Variants in BMF observed in about 807,000 individuals in gnomAD.
The protein encoded by BMF is bcl-2-modifying factor.
Under a neutral mutation model 22.0 loss-of-function variants are expected in BMF, and 10 were observed. That is an observed-to-expected ratio of 0.45 (90% CI 0.28 to 0.77). The LOEUF is 0.77. Ranked by LOEUF, BMF falls within the 30% of genes least tolerant of loss-of-function variation. The pLI is 0.13. For missense variants in BMF, 206 were observed against 226.8 expected (o/e 0.91, Z 0.59); for synonymous variants, 87 against 88.1 (o/e 0.99, Z 0.07).
In BMF at chr15:40,088,395, C is replaced by T. The variant is rs1190963744; in HGVS notation, c.*3392G>A. On this transcript the variant is annotated 3_prime_UTR_variant, in exon 5 of 5. Coordinates refer to ENST00000354670, the MANE Select transcript of BMF (RefSeq NM_001003940.2). ...GCCTGCTTCCAAGAGTCCTCACCTT[C>T]ACACACAGAGCTGTTTCCAGCCCAG... The T allele has an allele frequency of 6.6e-6, 1 of 152,402 alleles. No homozygotes were observed. 9.4% of individuals were successfully genotyped at this position (152,402 alleles called of 1,614,324 possible). A position where few individuals can be genotyped will look rare whatever the true frequency, so the allele number is the denominator to read the frequency against.
Position 40,088,289 on chromosome 15 carries a change from G to A in BMF, c.*3498C>T, listed in dbSNP as rs1206360265. ...TCAGCTTTTTCCGCTATCCCCTCAA[G>A]ACTCAAAAGTCCCCACCAGCCCTCA... On this transcript the variant is annotated 3_prime_UTR_variant, in exon 5 of 5. Transcript: ENST00000354670. 3 of 152,260 alleles carry A rather than the reference G, an allele frequency of 2.0e-5. No homozygotes were observed. The highest frequency in any genetic ancestry group is 6.5e-5 in the Admixed American group (1 of 15,282). 9.4% of individuals were successfully genotyped at this position (152,260 alleles called of 1,614,324 possible).
intron 4 of BMF, among the ~76,000 whole-genome samples, chr15:40,097,541 C>T (rs1394932925): frequency 6.6e-6 from 1 of 152,142 alleles, no homozygotes; most frequent in African/African-American, 2.4e-5. Context: ...GGCGATTGGA[C>T]CATGGTTCCA....
chr15:40,096,281 G>A (rs533662138), intron 4 of BMF, among the ~76,000 whole-genome samples: 87 of 149,096 alleles, frequency 5.8e-4, no homozygotes, highest in African/African-American at 2.1e-3. Context: ...TGTTCCCTAC[G>A]CTCCCTGGAT....
At chr15:40,099,208 A>T (rs2141024109) in intron 4 of BMF, among the ~76,000 whole-genome samples, 1 of 152,240 alleles carries the variant, frequency 6.6e-6, no homozygotes, top group Non-Finnish European at 1.5e-5. Flanking sequence ...CTCACTAATA[A>T]CTAGAGAATC....
chr15:40,101,910 CCT>C (rs1555428130), intron 4 of BMF, among the ~76,000 whole-genome samples: 5 of 152,124 alleles, frequency 3.3e-5, no homozygotes, highest in Admixed American at 6.5e-5. Context: ...AGCCTCCTAC[CCT>C]TGTAAGTAAG....
chr15:40,100,926 TG>T (rs1183516353), intron 4 of BMF, among the ~76,000 whole-genome samples: 4 of 152,172 alleles, frequency 2.6e-5, no homozygotes, highest in African/African-American at 9.7e-5. Context: ...CACAGGACTA[TG>T]GACCAGTGGC....
intron 4 of BMF, among the ~76,000 whole-genome samples, chr15:40,100,759 C>T (rs2036459454): frequency 6.6e-6 from 1 of 152,222 alleles, no homozygotes; most frequent in Non-Finnish European, 1.5e-5. Context: ...GAACCTGTTG[C>T]ATCTGGAGCC....
Position 40,106,274 on chromosome 15 carries a change from G to A in BMF, c.-5-183C>T. The A allele has an allele frequency of 1.5e-6, 1 of 659,868 alleles. No individual in the cohort carries two copies. Among genetic ancestry groups the A allele is most frequent in the Non-Finnish European group, 2.4e-6 (1 of 417,636 alleles). The allele number at this position is 659,868 out of a possible 1,614,324, so 40.9% of individuals were successfully genotyped here. The stretch of plus-strand genomic sequence containing the variant: ...GGGTGACATTCACTCCCCAAATGTG[G>A]ACTGCCTGAATGTTCAGGGGCTCTC... On this transcript the variant is annotated intron_variant, in intron 2 of 4. Coordinates refer to ENST00000354670, the MANE Select transcript of BMF (RefSeq NM_001003940.2). The surrounding 1 kb of genome is among the most constrained non-coding windows in gnomAD (Gnocchi z 4.1).
At chr15:40,096,547 A>G (rs1393424646) in intron 4 of BMF, among the ~76,000 whole-genome samples, 3 of 152,244 alleles carry the variant, frequency 2.0e-5, no homozygotes, top group Admixed American at 6.5e-5. Context: ...TCCTCACGAT[A>G]GGAAGAGCAG....
chr15:40,104,420 T>C lies in BMF; in HGVS notation c.293-80A>G. Reference sequence around the variant, plus strand: ...CTACGCCTGCCTGACCTGGCCAAGATTGGAGGCTGAGGGTAAATCCTCATA... The same window carrying C: ...CTACGCCTGCCTGACCTGGCCAAGACTGGAGGCTGAGGGTAAATCCTCATA... On this transcript the variant is annotated intron_variant, in intron 3 of 4. Transcript: ENST00000354670. The C allele has an allele frequency of 1.9e-6, 3 of 1,554,246 alleles. No homozygotes were observed. In the South Asian group the frequency reaches 3.6e-5, roughly 19 times the overall value.
intron 4 of BMF, among the ~76,000 whole-genome samples, chr15:40,100,722 A>G (rs2036458705): frequency 6.6e-6 from 1 of 152,182 alleles, no homozygotes; most frequent in African/African-American, 2.4e-5. Context: ...CAGATGGCCC[A>G]CGTAAAACGA....
At chr15:40,091,993 G>A in intron 4 of BMF, 105 bp from the exon 5 acceptor site, 1 of 873,876 alleles carries the variant, frequency 1.1e-6, no homozygotes, top group Admixed American at 2.1e-5. Flanking sequence ...CTCACGGCTG[G>A]CACTTTAATC....
At chr15:40,093,834 G>T (rs1310694342) in intron 4 of BMF, among the ~76,000 whole-genome samples, 1 of 152,198 alleles carries the variant, frequency 6.6e-6, no homozygotes, top group Non-Finnish European at 1.5e-5. Flanking sequence ...TTCTCAAAGG[G>T]TGGTCCATGG....
At chr15:40,094,848 T>C (rs1208546811) in intron 4 of BMF, among the ~76,000 whole-genome samples, 1 of 152,252 alleles carries the variant, frequency 6.6e-6, no homozygotes, top group Non-Finnish European at 1.5e-5. Flanking sequence ...AAGTCACTCA[T>C]GATCCTCCAG....
chr15:40,104,950 G>A (rs1330150258), intron 3 of BMF, among the ~76,000 whole-genome samples: 1 of 152,144 alleles, frequency 6.6e-6, no homozygotes, highest in Non-Finnish European at 1.5e-5. Flanking sequence ...CAGTGCACGC[G>A]TTAGAACCAC....
At chr15:40,105,773 T>C (rs762312931) in intron 3 of BMF, 22 bp downstream of exon 3, 6 of 1,569,066 alleles carry the variant, frequency 3.8e-6, no homozygotes, top group Non-Finnish European at 5.2e-6. Flanking sequence ...ATGGGAGGAG[T>C]CTTGAGGCTG....
chr15:40,105,688 C>A (rs1595486902), intron 3 of BMF, 107 bp downstream of exon 3: 2 of 1,326,802 alleles, frequency 1.5e-6, no homozygotes, highest in South Asian at 2.9e-5. Context: ...AACAGCCCCG[C>A]TGATCACTTT....
intron 4 of BMF, among the ~76,000 whole-genome samples, chr15:40,092,280 C>T (rs1369038910): frequency 6.6e-6 from 1 of 152,132 alleles, no homozygotes; most frequent in Non-Finnish European, 1.5e-5. Flanking sequence ...GAAGAAGTGC[C>T]CCCCTCTCTC....
At position 40,091,779 on chromosome 15, in the gene BMF, G is replaced by T; in HGVS notation, c.*8C>A. The T allele has an allele frequency of 6.3e-7, 1 of 1,599,172 alleles. No homozygotes were observed. Among genetic ancestry groups the T allele is most frequent in the Admixed American group, 1.7e-5 (1 of 58,704 alleles). On this transcript the variant is annotated 3_prime_UTR_variant, in exon 5 of 5. Coordinates refer to ENST00000354670, the MANE Select transcript of BMF (RefSeq NM_001003940.2). ...CCTGGTGCCCCATGTGAAGAGGGCA[G>T]CCCACCCTCACCTAGGGCCTGCCCC...
Sources: gnomAD v4.1 joint callset for allele counts (sites outside exome capture counted in the v4.1 genomes callset) on GRCh38, gnomAD v4.1.1 for gene constraint, Gnocchi (gnomAD v3.1) non-coding constraint, MANE v1.5 for transcripts, NCBI Gene and HGNC (gene_info 2026-07-23, HGNC 2026-07-21) for gene names.